TG: variants seen among roughly 807,000 people sequenced by gnomAD.
TG encodes thyroid hormones.
Under a neutral mutation model 324.7 loss-of-function variants are expected in TG, and 270 were observed. The observed-to-expected ratio is 0.83, with a 90% CI of 0.75 to 0.92. The LOEUF is 0.92. Ranked by LOEUF, TG falls within the 40% of genes least tolerant of loss-of-function variation. The pLI, the probability that TG is intolerant of heterozygous loss-of-function variation, is 0.00. For missense variants in TG, 3,591 were observed against 3,456.4 expected (o/e 1.04, Z -0.98); for synonymous variants, 1,401 against 1,327.0 (o/e 1.06, Z -1.21).
chr8:133,076,807 TACTTA>T (rs1564159036), intron 41 of TG: 1 of 149,208 alleles, frequency 6.7e-6, no homozygotes, highest in Non-Finnish European at 1.5e-5. Flanking sequence ...CCCTTCCCTG[TACTTA>T]ACTTAATTTA....
intron 38 of TG, among the ~76,000 whole-genome samples, chr8:133,018,244 G>T (rs1353331626): frequency 6.6e-6 from 1 of 152,206 alleles, no homozygotes; most frequent in Non-Finnish European, 1.5e-5. Context: ...TCTGCTCCAT[G>T]CAGTGATTCA....
intron 35 of TG, among the ~76,000 whole-genome samples, chr8:133,003,706 G>A (rs1309898781): frequency 4.7e-4 from 72 of 152,190 alleles, no homozygotes; most frequent in Admixed American, 4.7e-3. Flanking sequence ...CAGCTGTGCT[G>A]CCTCCAGGTT....
intron 43 of TG, among the ~76,000 whole-genome samples, chr8:133,104,072 C>T (rs573639442): frequency 6.6e-6 from 1 of 152,226 alleles, no homozygotes; most frequent in East Asian, 1.9e-4. Flanking sequence ...AATGGGGAGC[C>T]AGCGATGGGG....
chr8:132,913,472 G>T (rs1360670261), intron 20 of TG, among the ~76,000 whole-genome samples: 4 of 152,210 alleles, frequency 2.6e-5, no homozygotes, highest in Non-Finnish European at 5.9e-5. Context: ...CCCCATATTT[G>T]CAGTGATTCT....
Position 132,935,872 on chromosome 8 carries a change from G to C in TG, c.5041+8G>C. The C allele has an allele frequency of 6.2e-7, 1 of 1,610,840 alleles. No homozygotes were observed. The highest frequency in any genetic ancestry group is 8.5e-7 in the Non-Finnish European group (1 of 1,178,850). ...CTGTGTATTTGAAAAAGGGTAGGTTGGTCAGGCTGGTTGGCTTAGGCCCGC... is the reference window on the plus strand; with the variant it reads ...CTGTGTATTTGAAAAAGGGTAGGTTCGTCAGGCTGGTTGGCTTAGGCCCGC... On this transcript the variant is annotated splice_region_variant and intron_variant, in intron 25 of 47. Coordinates refer to ENST00000220616, the MANE Select transcript of TG (RefSeq NM_003235.5).
intron 41 of TG, among the ~76,000 whole-genome samples, chr8:133,069,506 C>CA (rs201542074): frequency 0.041 from 6,176 of 152,212 alleles, 392 homozygotes; most frequent in African/African-American, 0.13. Flanking sequence ...CTCCTTAGCT[C>CA]CTGTTCCCTC....
chr8:132,893,469 GTGTA>G (rs1338011714), intron 10 of TG, among the ~76,000 whole-genome samples: 3 of 133,268 alleles, frequency 2.3e-5, no homozygotes, highest in South Asian at 2.5e-4. Context: ...GGGGGGTGGT[GTGTA>G]TGTGTGTGGT....
intron 5 of TG, among the ~76,000 whole-genome samples, chr8:132,875,034 C>T: frequency 6.6e-6 from 1 of 152,186 alleles, no homozygotes; most frequent in East Asian, 1.9e-4. Flanking sequence ...GACCTGGCCA[C>T]TTACTCTCTC....
At chr8:132,997,648 T>C (rs1313179065) in intron 35 of TG, among the ~76,000 whole-genome samples, 2 of 152,100 alleles carry the variant, frequency 1.3e-5, no homozygotes, top group African/African-American at 4.8e-5. Context: ...GAGTTAGTCA[T>C]GAAGAGCCCT....
intron 31 of TG, among the ~76,000 whole-genome samples, chr8:132,968,864 T>G (rs1297414742): frequency 6.6e-6 from 1 of 152,256 alleles, no homozygotes; most frequent in East Asian, 1.9e-4. Flanking sequence ...ATATTCATTA[T>G]GCAGGCTGAC....
intron 11 of TG, among the ~76,000 whole-genome samples, chr8:132,897,244 C>T (rs533458933): frequency 1.3e-5 from 2 of 152,324 alleles, no homozygotes; most frequent in Non-Finnish European, 2.9e-5. Flanking sequence ...AATGGGATAA[C>T]ATGACATTTC....
chr8:133,004,673 A>G (rs1480102694), intron 35 of TG, among the ~76,000 whole-genome samples: 1 of 152,216 alleles, frequency 6.6e-6, no homozygotes, highest in Non-Finnish European at 1.5e-5. Context: ...GGGGACACAC[A>G]GGACCACCCT....
intron 28 of TG, among the ~76,000 whole-genome samples, chr8:132,962,524 T>C (rs1827906392): frequency 1.3e-5 from 2 of 152,204 alleles, no homozygotes. Flanking sequence ...GCCTGATACC[T>C]GCACTGCCAC....
At chr8:132,954,209 A>G (rs1364902526) in intron 27 of TG, among the ~76,000 whole-genome samples, 1 of 152,182 alleles carries the variant, frequency 6.6e-6, no homozygotes, top group Non-Finnish European at 1.5e-5. Flanking sequence ...AGACGCATCT[A>G]GATGAGATGG....
intron 25 of TG, among the ~76,000 whole-genome samples, chr8:132,939,045 C>CAAAAAA (rs36002632): frequency 1.5e-5 from 1 of 67,778 alleles, no homozygotes; most frequent in African/African-American, 5.9e-5. Flanking sequence ...GCAGGAGTCT[C>CAAAAAA]AAAAAAAAAA....
chr8:133,079,793 T>C (rs1311889442), intron 41 of TG, among the ~76,000 whole-genome samples: 1 of 152,084 alleles, frequency 6.6e-6, no homozygotes. Context: ...GCTAATTCAT[T>C]TGGTAGAGAA....
At position 132,961,315 on chromosome 8, in the gene TG, C is replaced by T. The variant is rs185877574; in HGVS notation, c.5467+242C>T. 3.8e-3 allele frequency among the ~76,000 whole-genome samples: 586 copies of T among 152,266 alleles called. 4 individuals carry two copies. Among genetic ancestry groups the T allele is most frequent in the Non-Finnish European group, 3.5e-3 (237 of 68,018 alleles). On this transcript the variant is annotated intron_variant, in intron 28 of 47. Coordinates refer to ENST00000220616, the MANE Select transcript of TG (RefSeq NM_003235.5). ...ATGGATAGAGGAAGCACTAGGTTCC[C>T]GCGAGATAAAGCTTGCTGACCACAA...
chr8:133,075,540 T>C (rs943173703), intron 41 of TG, among the ~76,000 whole-genome samples: 9 of 152,258 alleles, frequency 5.9e-5, no homozygotes, highest in African/African-American at 1.9e-4. Flanking sequence ...CTTAAGTTTC[T>C]TGGACATGGT....
intron 34 of TG, among the ~76,000 whole-genome samples, chr8:132,978,315 C>A (rs548266744): frequency 6.6e-6 from 1 of 152,114 alleles, no homozygotes; most frequent in South Asian, 2.1e-4. Flanking sequence ...CTCATTACTG[C>A]GAGGACAGTA....
Sources: allele counts gnomAD v4.1 joint callset (sites outside exome capture counted in the v4.1 genomes callset), GRCh38; gene constraint gnomAD v4.1.1; transcripts MANE v1.5; gene names NCBI Gene and HGNC (gene_info 2026-07-23, HGNC 2026-07-21).